BBS7: variants seen among roughly 807,000 people sequenced by gnomAD.
BBS7 encodes Bardet-Biedl syndrome 7.
BBS7 carries 50 observed loss-of-function variants against 90.3 expected under a neutral mutation model. That is an observed-to-expected ratio of 0.55 (90% confidence interval 0.44 to 0.70). The LOEUF (loss-of-function observed/expected upper bound fraction) is 0.70. BBS7 is among the 30% of genes least tolerant of loss of function. The pLI, the probability that BBS7 is intolerant of heterozygous loss-of-function variation, is 0.00. For missense variants in BBS7, 729 were observed against 838.9 expected (o/e 0.87, Z 1.62); for synonymous variants, 235 against 287.4 (o/e 0.82, Z 1.85).
Position 121,833,233 on chromosome 4 carries a change from G to C in BBS7, c.1674C>G (p.Tyr558Ter). 1 of 1,613,452 alleles carries C rather than the reference G, an allele frequency of 6.2e-7. No individual in the cohort carries two copies. The highest frequency in any genetic ancestry group is 1.1e-5 in the South Asian group (1 of 91,066). Residue 558 changes from tyrosine (Y) to a stop codon, truncating the protein, a stop_gained and splice_region_variant, in exon 15 of 19, where the codon TAC becomes TAG. Transcript: ENST00000264499. LOFTEE classifies it high-confidence loss of function. ...TFLDTQLEST[Y>*]RKGEGVFKSD... ...AACCAGTAATAAGTTAGATTTACCT[G>C]TAGGTACTTTCAAGTTGTGTATCTA...
rs563463539 is a variant in BBS7 at position 121,868,752 on chromosome 4, C to T, written c.37-706G>A. 5.1e-5 allele frequency among the ~76,000 whole-genome samples: 7 copies of T among 138,230 alleles called. No individual in the cohort carries two copies. In the South Asian group the frequency reaches 1.6e-3, roughly 31 times the overall value. 90.7% of individuals were successfully genotyped at this position (138,230 alleles called of 152,430 possible). Reference sequence around the variant, plus strand: ...GCTAAAATACCAAATATGATAATGGCCATAACATCCAATCTAACAGGTGAA... The same window carrying T: ...GCTAAAATACCAAATATGATAATGGTCATAACATCCAATCTAACAGGTGAA... On this transcript the variant is annotated intron_variant, in intron 1 of 18. Transcript: ENST00000264499.
intron 5 of BBS7, 156 bp downstream of exon 5, chr4:121,858,836 G>T: frequency 2.7e-6 from 2 of 727,618 alleles, no homozygotes; most frequent in Non-Finnish European, 4.4e-6. Context: ...TTTGACTCAA[G>T]TTAAAAAAAT....
chr4:121,849,910 C>T (rs974031610), intron 8 of BBS7, among the ~76,000 whole-genome samples: 1 of 152,028 alleles, frequency 6.6e-6, no homozygotes, highest in Admixed American at 6.5e-5. Flanking sequence ...TTCCATACAC[C>T]ATCTCTTATG....
chr4:121,859,816 A>T (rs1726884473), intron 4 of BBS7, among the ~76,000 whole-genome samples: 1 of 152,130 alleles, frequency 6.6e-6, no homozygotes, highest in South Asian at 2.1e-4. Flanking sequence ...AGAAATGAAA[A>T]CAAGTTTATT....
chr4:121,843,728 C>T (rs1210946842), intron 12 of BBS7, among the ~76,000 whole-genome samples, 199 bp downstream of exon 12: 1 of 152,082 alleles, frequency 6.6e-6, no homozygotes, highest in Non-Finnish European at 1.5e-5. Flanking sequence ...TGTAACAGAT[C>T]ACAGAAAAGA....
At chr4:121,842,912 G>C (rs1725816900) in intron 12 of BBS7, among the ~76,000 whole-genome samples, 1 of 152,166 alleles carries the variant, frequency 6.6e-6, no homozygotes, top group Non-Finnish European at 1.5e-5. Context: ...GCACTGACGT[G>C]ATCATCTCAG....
intron 9 of BBS7, among the ~76,000 whole-genome samples, chr4:121,848,428 T>C (rs1726131705): frequency 6.6e-6 from 1 of 152,246 alleles, no homozygotes; most frequent in Non-Finnish European, 1.5e-5. Flanking sequence ...CCAGCCTATC[T>C]ACTGTTCACT....
At chr4:121,854,676 C>A in intron 7 of BBS7, 28 bp downstream of exon 7, 1 of 1,603,116 alleles carries the variant, frequency 6.2e-7, no homozygotes, top group South Asian at 1.1e-5. Context: ...ATTGACACCT[C>A]AGAATCTGAA....
chr4:121,864,064 T>C (rs1288940646), intron 2 of BBS7, among the ~76,000 whole-genome samples: 2 of 152,276 alleles, frequency 1.3e-5, no homozygotes, highest in Non-Finnish European at 2.9e-5. Context: ...AACCCTATTG[T>C]GAACTGCGCA....
At chr4:121,870,011 A>G (rs1227237073) in intron 1 of BBS7, among the ~76,000 whole-genome samples, 1 of 152,206 alleles carries the variant, frequency 6.6e-6, no homozygotes, top group East Asian at 1.9e-4. Context: ...ATCCGGGATG[A>G]GACAGTGTCA....
intron 8 of BBS7, among the ~76,000 whole-genome samples, chr4:121,849,581 C>T (rs1726201880): frequency 7.2e-6 from 1 of 138,736 alleles, no homozygotes. Context: ...GTAATCCCAG[C>T]ACTTTGGGAA....
intron 9 of BBS7, 121 bp downstream of exon 9, chr4:121,848,723 C>T: frequency 1.3e-6 from 1 of 751,378 alleles, no homozygotes; most frequent in African/African-American, 1.7e-5. Flanking sequence ...AATGGATTCC[C>T]CATGAATAAG....
chr4:121,869,131 T>C (rs2149095434), intron 1 of BBS7, among the ~76,000 whole-genome samples: 1 of 152,266 alleles, frequency 6.6e-6, no homozygotes, highest in South Asian at 2.1e-4. Context: ...ATGGGACAGA[T>C]TCAAGAGATA....
chr4:121,849,857 G>A (rs1054459823), intron 8 of BBS7, among the ~76,000 whole-genome samples: 1 of 151,916 alleles, frequency 6.6e-6, no homozygotes, highest in African/African-American at 2.4e-5. Flanking sequence ...ATTACATAAA[G>A]CAAAAAGCAA....
rs768277811 is a variant in BBS7 at position 121,867,970 on chromosome 4, C to A, written c.102+11G>T. ...TAGGGAATAGTGGAGAAATCAGAAT[C>A]TATACAGTACCTTTTGTGTAGCTCT... On this transcript the variant is annotated intron_variant, in intron 2 of 18. Coordinates refer to ENST00000264499, the MANE Select transcript of BBS7 (RefSeq NM_176824.3). The A allele has an allele frequency of 6.2e-7, 1 of 1,607,060 alleles. No homozygotes were observed. The highest frequency in any genetic ancestry group is 1.7e-5 in the Admixed American group (1 of 60,018).
intron 15 of BBS7, among the ~76,000 whole-genome samples, chr4:121,831,959 A>G (rs1725202496): frequency 6.6e-6 from 1 of 151,872 alleles, no homozygotes; most frequent in Non-Finnish European, 1.5e-5. Flanking sequence ...AGGCAGAGAA[A>G]GAATAATGAG....
chr4:121,854,902 TATC>T (rs1454563127), intron 6 of BBS7, 82 bp from the exon 7 acceptor site: 2 of 1,346,688 alleles, frequency 1.5e-6, no homozygotes, highest in East Asian at 5.1e-5. Context: ...TATGTAAAAA[TATC>T]ATTTTAAAAA....
At chr4:121,854,119 A>T (rs1300539361) in intron 7 of BBS7, among the ~76,000 whole-genome samples, 1 of 152,180 alleles carries the variant, frequency 6.6e-6, no homozygotes, top group Non-Finnish European at 1.5e-5. Context: ...TCCTTCTACC[A>T]TCACTCTCTA....
chr4:121,838,102 T>TAAA (rs35773052), intron 13 of BBS7, among the ~76,000 whole-genome samples: 1 of 144,958 alleles, frequency 6.9e-6, no homozygotes, highest in African/African-American at 2.6e-5. Flanking sequence ...AGACTCCATC[T>TAAA]AAAAAAAAAA....
Sources: allele counts gnomAD v4.1 joint callset (sites outside exome capture counted in the v4.1 genomes callset), GRCh38; gene constraint gnomAD v4.1.1; transcripts MANE v1.5; gene names NCBI Gene and HGNC (gene_info 2026-07-23, HGNC 2026-07-21).